The following EFR3A variants were observed in gnomAD, a reference collection of about 807,000 sequenced individuals.
The protein encoded by EFR3A is protein EFR3 homolog A.
EFR3A carries 76 observed loss-of-function variants against 104.4 expected under a neutral mutation model. The observed-to-expected ratio is 0.73, with a 90% confidence interval of 0.60 to 0.88. The LOEUF (loss-of-function observed/expected upper bound fraction) is 0.88, where lower values mean the gene tolerates loss of function less well. Ranked by LOEUF, EFR3A falls within the 40% of genes least tolerant of loss-of-function variation. The pLI is 0.00. For missense variants in EFR3A, 985 were observed against 1,012.5 expected (o/e 0.97, Z 0.37); for synonymous variants, 330 against 330.0 (o/e 1.00, Z 0.00).
chr8:132,001,763 G>A lies in EFR3A; in HGVS notation c.2162G>A (p.Ser721Asn), dbSNP rs201762155. 11 of 1,613,164 alleles carry A rather than the reference G, an allele frequency of 6.8e-6. No homozygotes were observed. In the South Asian group the frequency reaches 9.9e-5, roughly 14 times the overall value. Residue 721 changes from serine to asparagine, a missense_variant, in exon 20 of 23, where the codon AGT (serine) becomes AAT (asparagine). By Grantham distance (46) the Ser-to-Asn change is conservative. Coordinates refer to ENST00000254624, the MANE Select transcript of EFR3A (RefSeq NM_015137.6). Reference protein sequence around the residue: ...SNNVPSDDVVSNTEEITFEAL... With the variant: ...SNNVPSDDVVNNTEEITFEAL... ...TCACTTATCACTTTTCTCTAGGTTAGTAACACTGAAGAAATCACTTTTGAA... is the reference window on the plus strand; with the variant it reads ...TCACTTATCACTTTTCTCTAGGTTAATAACACTGAAGAAATCACTTTTGAA...
chr8:131,962,196 T>C (rs1247671281), intron 8 of EFR3A, among the ~76,000 whole-genome samples: 1 of 152,148 alleles, frequency 6.6e-6, no homozygotes, highest in Non-Finnish European at 1.5e-5. Context: ...CAGGATCAAA[T>C]TCACACATAA....
chr8:131,916,058 T>C (rs1196302600), intron 1 of EFR3A, among the ~76,000 whole-genome samples: 1 of 152,176 alleles, frequency 6.6e-6, no homozygotes, highest in African/African-American at 2.4e-5. Flanking sequence ...AGAGGGCCTA[T>C]GGTTTCTTTC....
At chr8:132,000,562 A>AAAATT (rs1341893165) in intron 19 of EFR3A, among the ~76,000 whole-genome samples, 1 of 152,210 alleles carries the variant, frequency 6.6e-6, no homozygotes, top group Admixed American at 6.5e-5. Context: ...GTGATAAGTA[A>AAAATT]AAATTATATG....
rs1196442664 is a variant in EFR3A, at chr8:132,011,638, G to A, written c.*743G>A. ...GTGCAATATTTTTACATCATAAGAT[G>A]TATTAGTTTACAGGCTGTGCTTTGA... On this transcript the variant is annotated 3_prime_UTR_variant, in exon 23 of 23. Transcript: ENST00000254624. 6.2e-6 allele frequency: 1 copy of A among 162,352 alleles called. No homozygotes were observed. The highest frequency in any genetic ancestry group is 2.4e-5 in the African/African-American group (1 of 41,594). The allele number at this position is 162,352 out of a possible 1,614,324, so 10.1% of individuals were successfully genotyped here.
chr8:131,984,969 A>C lies in EFR3A; in HGVS notation c.1778A>C (p.His593Pro). 6.2e-7 allele frequency: 1 copy of C among 1,613,630 alleles called. No individual in the cohort carries two copies. Among genetic ancestry groups the C allele is most frequent in the Non-Finnish European group, 8.5e-7 (1 of 1,179,656 alleles). ...AATGAGGATAATTTGCCAATGTTCC[A>C]TCGTTGTGGAATCATGGCACTGGTT... The part of the protein sequence containing the change: ...IINEDNLPMF[H>P]RCGIMALVAA... The change falls in exon 16 of 23, where the codon CAT becomes CCT. Residue 593 changes from histidine (H) to proline (P), a missense_variant. By Grantham distance (77) the His-to-Pro change is moderately conservative. Transcript: ENST00000254624.
chr8:131,984,613 GTT>G (rs1007559432), intron 15 of EFR3A, among the ~76,000 whole-genome samples: 6 of 152,046 alleles, frequency 3.9e-5, no homozygotes, highest in Admixed American at 2.0e-4. Flanking sequence ...ACATGCAGTT[GTT>G]TAATTAGAGT....
At chr8:131,977,825 A>G (rs1820403051) in intron 12 of EFR3A, among the ~76,000 whole-genome samples, 1 of 152,086 alleles carries the variant, frequency 6.6e-6, no homozygotes, top group African/African-American at 2.4e-5. Context: ...TAATATAGCC[A>G]GATTTATCAG....
chr8:131,936,937 C>T lies in EFR3A; in HGVS notation c.11-3562C>T, dbSNP rs116579506. Among the ~76,000 whole-genome samples, 576 of 152,108 alleles carry T rather than the reference C, an allele frequency of 3.8e-3. 2 individuals are homozygous for T. The highest frequency in any genetic ancestry group is 0.013 in the African/African-American group (547 of 41,504). The stretch of plus-strand genomic sequence containing the variant: ...AGGCGCGATTGATTAAATCATTGGC[C>T]ACCTGTAACCAACTTAACTATCAGC... On this transcript the variant is annotated intron_variant, in intron 1 of 22. Coordinates refer to ENST00000254624, the MANE Select transcript of EFR3A (RefSeq NM_015137.6).
At chr8:131,908,935 CAG>C (rs1257752768) in intron 1 of EFR3A, among the ~76,000 whole-genome samples, 1 of 152,178 alleles carries the variant, frequency 6.6e-6, no homozygotes, top group Non-Finnish European at 1.5e-5. Flanking sequence ...ACAATCAGGT[CAG>C]GGTATTTAGA....
rs1436090941 is a variant in EFR3A at position 132,012,525 on chromosome 8, C to T, written c.*1630C>T. The T allele has an allele frequency of 1.3e-5, 2 of 152,576 alleles. No homozygotes were observed. The highest frequency in any genetic ancestry group is 4.8e-5 in the African/African-American group (2 of 41,446). The allele number at this position is 152,576 out of a possible 1,614,324, so 9.5% of individuals were successfully genotyped here. On this transcript the variant is annotated 3_prime_UTR_variant, in exon 23 of 23. Transcript: ENST00000254624. The stretch of plus-strand genomic sequence containing the variant: ...CTAAAGGGCCCTGTGGCAGCTGTCA[C>T]TGGAACTTTGCCTCTTGATCAGGAA...
At chr8:131,911,002 T>C (rs752088198) in intron 1 of EFR3A, among the ~76,000 whole-genome samples, 2 of 152,088 alleles carry the variant, frequency 1.3e-5, no homozygotes, top group Non-Finnish European at 1.5e-5. Context: ...TTTGTCTAGG[T>C]TAAGGAGCCT....
intron 22 of EFR3A, among the ~76,000 whole-genome samples, chr8:132,008,429 C>T (rs566374494): frequency 6.6e-6 from 1 of 151,978 alleles, no homozygotes; most frequent in Middle Eastern, 3.4e-3. Context: ...TCATAGTTGC[C>T]AAATGTCCAT....
At chr8:131,920,286 G>A (rs963789692) in intron 1 of EFR3A, among the ~76,000 whole-genome samples, 2 of 152,052 alleles carry the variant, frequency 1.3e-5, no homozygotes, top group African/African-American at 2.4e-5. Context: ...AAGTAAAAAC[G>A]TTCTCTCCCC....
chr8:131,939,220 A>G lies in EFR3A; in HGVS notation c.11-1279A>G, dbSNP rs563610116. ...TTATGAAGAAGGCATTATTACATCTATTTTTACTGATGGGGAAACTTGTGT... is the reference window on the plus strand; with the variant it reads ...TTATGAAGAAGGCATTATTACATCTGTTTTTACTGATGGGGAAACTTGTGT... On this transcript the variant is annotated intron_variant, in intron 1 of 22. Transcript: ENST00000254624. 1.5e-4 allele frequency among the ~76,000 whole-genome samples: 23 copies of G among 152,174 alleles called. 1 individual carries two copies. The East Asian group carries it at 3.9e-3, about 26-fold the overall frequency.
intron 1 of EFR3A, among the ~76,000 whole-genome samples, chr8:131,925,638 G>A (rs1026325007): frequency 1.3e-5 from 2 of 151,784 alleles, no homozygotes; most frequent in African/African-American, 4.9e-5. Context: ...TATGTTTCCT[G>A]TGGCAGAGGG....
At position 131,953,873 on chromosome 8, in the gene EFR3A, G is replaced by A. The variant is rs1818835523; in HGVS notation, c.544G>A (p.Asp182Asn). Residue 182 changes from aspartate (D) to asparagine (N), a missense_variant, in exon 6 of 23, where the codon GAT becomes AAT. Physicochemically the swap from Asp to Asn is conservative, Grantham distance 23 (BLOSUM62 1). Coordinates refer to ENST00000254624, the MANE Select transcript of EFR3A (RefSeq NM_015137.6). Reference protein sequence around the residue: ...IQGVVRKTVNDELRATIWEPQ... With the variant: ...IQGVVRKTVNNELRATIWEPQ... The stretch of plus-strand genomic sequence containing the variant: ...AGGTGTGGTTCGCAAAACAGTCAAC[G>A]ATGAACTTCGGGCCACCATTTGGGA... 7 of 1,574,692 alleles carry A rather than the reference G, an allele frequency of 4.4e-6. No individual in the cohort carries two copies. The highest frequency in any genetic ancestry group is 6.0e-6 in the Non-Finnish European group (7 of 1,158,524).
chr8:131,988,379 G>C (rs954326576), intron 18 of EFR3A, among the ~76,000 whole-genome samples: 4 of 152,112 alleles, frequency 2.6e-5, no homozygotes, highest in African/African-American at 9.6e-5. Flanking sequence ...TTCTACAAGA[G>C]AACCATTTGA....
intron 18 of EFR3A, among the ~76,000 whole-genome samples, chr8:131,990,073 A>G (rs1821091934): frequency 6.6e-6 from 1 of 152,114 alleles, no homozygotes; most frequent in Non-Finnish European, 1.5e-5. Flanking sequence ...TTAAGCGAGC[A>G]CCTCCAGTGT....
intron 10 of EFR3A, among the ~76,000 whole-genome samples, 172 bp downstream of exon 10, chr8:131,970,815 G>A (rs143915980): frequency 6.6e-6 from 1 of 152,148 alleles, no homozygotes; most frequent in Non-Finnish European, 1.5e-5. Context: ...AGAACACTAT[G>A]TTGTTCCATT....
Sources: gnomAD v4.1 joint callset for allele counts (sites outside exome capture counted in the v4.1 genomes callset) on GRCh38, gnomAD v4.1.1 for gene constraint, MANE v1.5 for transcripts, NCBI Gene and HGNC (gene_info 2026-07-23, HGNC 2026-07-21) for gene names.